GRM1: variants seen among roughly 807,000 people sequenced by gnomAD.
The protein encoded by GRM1 is glutamate metabotropic receptor 1.
A neutral mutation model predicts 90.9 loss-of-function variants in GRM1; 33 were observed. That is an observed-to-expected ratio of 0.36 (90% confidence interval 0.28 to 0.49). The LOEUF (loss-of-function observed/expected upper bound fraction) is 0.49. Among genes scored for constraint, GRM1 ranks in the 20% least tolerant of loss-of-function variants. The pLI, the probability that GRM1 is intolerant of heterozygous loss-of-function variation, is 0.99. For missense variants in GRM1, 1,190 were observed against 1,534.3 expected (o/e 0.78, Z 3.75); for synonymous variants, 700 against 613.2 (o/e 1.14, Z -2.09).
chr6:146,337,423 T>G (rs1178389106), intron 3 of GRM1, among the ~76,000 whole-genome samples: 1 of 152,252 alleles, frequency 6.6e-6, no homozygotes. Context: ...TGAAATTAAA[T>G]GTTTCAATCA....
intron 2 of GRM1, among the ~76,000 whole-genome samples, chr6:146,206,203 C>T (rs954132464): frequency 6.6e-6 from 1 of 152,084 alleles, no homozygotes; most frequent in Non-Finnish European, 1.5e-5. Flanking sequence ...TCAGGAGAAA[C>T]AGATAGAGAA....
intron 1 of GRM1, among the ~76,000 whole-genome samples, chr6:146,057,627 A>G (rs940148082): frequency 2.0e-5 from 3 of 152,150 alleles, no homozygotes; most frequent in African/African-American, 4.8e-5. Context: ...CAACTTGAAT[A>G]AAGCAGCTTG....
At position 146,159,470 on chromosome 6, in the gene GRM1, C is replaced by A. The variant is rs766567009; in HGVS notation, c.823C>A (p.Arg275Ser). 9.3e-6 allele frequency: 15 copies of A among 1,614,082 alleles called. No homozygotes were observed. Among genetic ancestry groups the A allele is most frequent in the Admixed American group, 1.7e-5 (1 of 60,012 alleles). The change falls in exon 2 of 8, where the codon CGC becomes AGC. Residue 275 changes from arginine to serine, a missense_variant. Arg to Ser is a moderately radical substitution (Grantham distance 110, BLOSUM62 -1). Around this residue, in one of 10 missense-constraint regions of GRM1, gnomAD observed 45 missense variants for 45.5 expected, o/e 0.99. Coordinates refer to ENST00000282753, the MANE Select transcript of GRM1 (RefSeq NM_001278064.2). Reference sequence around the variant, plus strand: ...GGAGAAGAGCTTTGACCGACTCTTGCGCAAACTCCGAGAGAGGCTTCCCAA... The same window carrying A: ...GGAGAAGAGCTTTGACCGACTCTTGAGCAAACTCCGAGAGAGGCTTCCCAA... ...AGEKSFDRLL[R>S]KLRERLPKAR...
At chr6:146,050,174 T>G (rs1791474803) in intron 1 of GRM1, among the ~76,000 whole-genome samples, 1 of 152,116 alleles carries the variant, frequency 6.6e-6, no homozygotes, top group South Asian at 2.1e-4. Flanking sequence ...TGGAGCTATA[T>G]TGCATTCGAC....
chr6:146,054,984 C>A (rs774551851), intron 1 of GRM1, among the ~76,000 whole-genome samples: 12 of 151,744 alleles, frequency 7.9e-5, no homozygotes, highest in Admixed American at 6.6e-4. Flanking sequence ...GAGCTGAGTG[C>A]TGGATGAGTG....
chr6:146,103,885 G>A (rs1777132925), intron 1 of GRM1, among the ~76,000 whole-genome samples: 1 of 152,148 alleles, frequency 6.6e-6, no homozygotes, highest in South Asian at 2.1e-4. Flanking sequence ...TGCACAATGC[G>A]CTTAGGGAAC....
At chr6:146,244,332 G>C (rs527606434) in intron 2 of GRM1, among the ~76,000 whole-genome samples, 11 of 152,266 alleles carry the variant, frequency 7.2e-5, no homozygotes, top group African/African-American at 1.7e-4. Context: ...AATTATAAAA[G>C]TATTAATTTG....
At chr6:146,126,497 C>T (rs1312715125) in intron 1 of GRM1, among the ~76,000 whole-genome samples, 2 of 152,180 alleles carry the variant, frequency 1.3e-5, no homozygotes, top group South Asian at 2.1e-4. Flanking sequence ...GAAGCAAGCT[C>T]GTTTTCTAAA....
chr6:146,262,084 C>CA (rs11392952), intron 2 of GRM1, among the ~76,000 whole-genome samples: 18,623 of 101,246 alleles, frequency 0.18, 2,089 homozygotes, highest in African/African-American at 0.34. Flanking sequence ...GAAAACAAAA[C>CA]AAAAAAAAAA....
intron 2 of GRM1, among the ~76,000 whole-genome samples, chr6:146,201,757 A>G (rs914822417): frequency 1.3e-5 from 2 of 152,192 alleles, no homozygotes; most frequent in African/African-American, 4.8e-5. Context: ...TATTATCACC[A>G]CTTTACAAGT....
At chr6:146,264,296 A>G (rs184517422) in intron 2 of GRM1, among the ~76,000 whole-genome samples, 1 of 152,246 alleles carries the variant, frequency 6.6e-6, no homozygotes, top group Admixed American at 6.5e-5. Flanking sequence ...ATTTAGTTAT[A>G]GATATGAAAA....
chr6:146,031,699 G>A (rs536066215), intron 1 of GRM1, among the ~76,000 whole-genome samples: 1 of 152,028 alleles, frequency 6.6e-6, no homozygotes, highest in South Asian at 2.1e-4. Flanking sequence ...AAGACTCAAA[G>A]TATTAATTCC....
intron 5 of GRM1, among the ~76,000 whole-genome samples, chr6:146,358,562 G>A (rs1297968349): frequency 6.6e-6 from 1 of 152,172 alleles, no homozygotes; most frequent in Non-Finnish European, 1.5e-5. Context: ...GGTAGATCAG[G>A]CGTGAGGCTC....
At chr6:146,059,238 A>G (rs1222255001) in intron 1 of GRM1, among the ~76,000 whole-genome samples, 4 of 152,194 alleles carry the variant, frequency 2.6e-5, no homozygotes, top group Non-Finnish European at 5.9e-5. Context: ...TCTTTGATCC[A>G]TGGGCTGCAG....
intron 1 of GRM1, among the ~76,000 whole-genome samples, chr6:146,048,399 T>G (rs1791410273): frequency 6.6e-6 from 1 of 152,018 alleles, no homozygotes; most frequent in African/African-American, 2.4e-5. Flanking sequence ...ACTTAAGAGT[T>G]AAAGCATTTT....
At chr6:146,285,007 G>A (rs1229404633) in intron 2 of GRM1, among the ~76,000 whole-genome samples, 1 of 152,118 alleles carries the variant, frequency 6.6e-6, no homozygotes, top group South Asian at 2.1e-4. Flanking sequence ...AAATTTAATA[G>A]TTCATGACAT....
At chr6:146,151,990 A>G (rs754197730) in intron 1 of GRM1, among the ~76,000 whole-genome samples, 6 of 152,134 alleles carry the variant, frequency 3.9e-5, no homozygotes, top group African/African-American at 9.7e-5. Context: ...ATTTTTCAAC[A>G]TATTAAATTG....
intron 3 of GRM1, among the ~76,000 whole-genome samples, chr6:146,322,219 A>G (rs994268321): frequency 6.6e-6 from 1 of 152,148 alleles, no homozygotes; most frequent in African/African-American, 2.4e-5. Context: ...CCTGGGTATT[A>G]CCAGCAGAGG....
At chr6:146,433,312 C>G (rs1041708898) in intron 7 of GRM1, among the ~76,000 whole-genome samples, 1 of 151,994 alleles carries the variant, frequency 6.6e-6, no homozygotes, top group South Asian at 2.1e-4. Context: ...TTATAGGTAC[C>G]CTGTGTGATC....
Sources: allele counts gnomAD v4.1 joint callset (sites outside exome capture counted in the v4.1 genomes callset), GRCh38; gene constraint gnomAD v4.1.1; regional missense constraint gnomAD v4.1.1; transcripts MANE v1.5; gene names NCBI Gene and HGNC (gene_info 2026-07-23, HGNC 2026-07-21).